FIGN: variants seen among roughly 807,000 people sequenced by gnomAD.
The protein encoded by FIGN is fidgetin.
A neutral mutation model predicts 51.3 loss-of-function variants in FIGN; 11 were observed. The observed-to-expected ratio is 0.21, with a 90% CI of 0.13 to 0.35. The LOEUF is 0.35. Ranked by LOEUF, FIGN falls within the 10% of genes least tolerant of loss-of-function variation. The pLI, the probability that FIGN is intolerant of heterozygous loss-of-function variation, is 1.00. For missense variants in FIGN, 857 were observed against 943.6 expected (o/e 0.91, Z 1.20); for synonymous variants, 407 against 363.2 (o/e 1.12, Z -1.37).
intron 2 of FIGN, among the ~76,000 whole-genome samples, chr2:163,667,772 CTGCGTTCTTCACACTG>C (rs1450995764): frequency 1.1e-4 from 16 of 152,190 alleles, no homozygotes; most frequent in Non-Finnish European, 1.9e-4. Flanking sequence ...GGTTCCACTG[CTGCGTTCTTCACACTG>C]TGCTGTAACT....
chr2:163,691,208 G>A (rs1397232049), intron 2 of FIGN, among the ~76,000 whole-genome samples: 1 of 152,116 alleles, frequency 6.6e-6, no homozygotes, highest in Non-Finnish European at 1.5e-5. Context: ...CAAACTGACA[G>A]CCTATGTACA....
intron 2 of FIGN, among the ~76,000 whole-genome samples, chr2:163,661,095 G>A (rs1683672136): frequency 6.7e-6 from 1 of 148,536 alleles, no homozygotes; most frequent in African/African-American, 2.5e-5. Context: ...TGTTGGCCAA[G>A]CTGGTCTTGA....
At chr2:163,734,031 T>G (rs1684973228) in intron 2 of FIGN, among the ~76,000 whole-genome samples, 1 of 151,396 alleles carries the variant, frequency 6.6e-6, no homozygotes, top group African/African-American at 2.4e-5. Context: ...TGTTGTTCCC[T>G]CTGTCTTAAT....
Position 163,609,561 on chromosome 2 carries a change from GC to G in FIGN, c.2270del (p.Cys757SerfsTer25). 6.2e-7 allele frequency: 1 copy of G among 1,604,886 alleles called. No homozygotes were observed. Reference protein sequence around the residue: ...MYVEWNKMFGCSQ With the variant: ...MYVEWNKMFGXSQ ...TTTTCTAAAGAAGTTATCACTGACT[GC>G]AACCAAACATTTTGTTCCATTCAAC... On this transcript the variant is annotated frameshift_variant, in exon 3 of 3. Transcript: ENST00000333129. LOFTEE classifies it high-confidence loss of function.
intron 2 of FIGN, among the ~76,000 whole-genome samples, chr2:163,707,169 A>G (rs1482558572): frequency 6.6e-6 from 1 of 152,120 alleles, no homozygotes; most frequent in East Asian, 1.9e-4. Context: ...CAACATGGTG[A>G]AACCCCGTCT....
rs1685005943 is a variant in FIGN at position 163,735,821 on chromosome 2, T to C, written c.-146+17A>G. The C allele has an allele frequency of 6.5e-6, 1 of 152,690 alleles. No homozygotes were observed. The highest frequency in any genetic ancestry group is 2.4e-5 in the African/African-American group (1 of 41,456). The allele number at this position is 152,690 out of a possible 1,614,324, so 9.5% of individuals were successfully genotyped here. On this transcript the variant is annotated intron_variant, in intron 1 of 2. Transcript: ENST00000333129. Reference sequence around the variant, plus strand: ...CAAATTTAAACAGATGGTAGAAAACTACGAAGCTCCTCTTACCTGAACGCG... The same window carrying C: ...CAAATTTAAACAGATGGTAGAAAACCACGAAGCTCCTCTTACCTGAACGCG...
intron 2 of FIGN, 43 bp downstream of exon 2, chr2:163,734,860 T>C (rs773869650): frequency 2.5e-6 from 4 of 1,581,626 alleles, no homozygotes; most frequent in Non-Finnish European, 3.5e-6. Context: ...CATTTGTCTT[T>C]CCTATTTAGA....
rs186183930 is a variant in FIGN at position 163,609,975 on chromosome 2, C to G, written c.1857G>C (p.Ser619=). 3 of 1,613,986 alleles carry G rather than the reference C, an allele frequency of 1.9e-6. No homozygotes were observed. The highest frequency in any genetic ancestry group is 2.2e-5 in the South Asian group (2 of 91,080). ...FLMQLDTVLT[S]AEDQIVVICA... is the part of the protein sequence containing the mutation. Reference sequence around the variant, plus strand: ...AAATTACTACGATTTGGTCCTCAGCCGAAGTTAGTACAGTGTCCAGTTGCA... The same window carrying G: ...AAATTACTACGATTTGGTCCTCAGCGGAAGTTAGTACAGTGTCCAGTTGCA... Residue 619 remains serine (S), a synonymous_variant, in exon 3 of 3, where the codon TCG becomes TCC. Transcript: ENST00000333129.
chr2:163,649,297 C>T (rs1198417009), intron 2 of FIGN, among the ~76,000 whole-genome samples: 1 of 152,212 alleles, frequency 6.6e-6, no homozygotes, highest in Non-Finnish European at 1.5e-5. Flanking sequence ...CACAGTGTGT[C>T]TGAGTCAGAC....
intron 2 of FIGN, among the ~76,000 whole-genome samples, chr2:163,642,580 C>T (rs1346761850): frequency 5.3e-5 from 8 of 152,112 alleles, no homozygotes; most frequent in Non-Finnish European, 1.2e-4. Flanking sequence ...ACACTGTGGA[C>T]TCTCAGAGGA....
At chr2:163,661,800 T>A (rs753658868) in intron 2 of FIGN, among the ~76,000 whole-genome samples, 10 of 152,186 alleles carry the variant, frequency 6.6e-5, no homozygotes, top group Non-Finnish European at 1.5e-4. Flanking sequence ...CTTCCTCATT[T>A]TTCTCTTGCT....
chr2:163,730,251 G>A lies in FIGN; in HGVS notation c.25+4652C>T, dbSNP rs1684904620. On this transcript the variant is annotated intron_variant, in intron 2 of 2. Coordinates refer to ENST00000333129, the MANE Select transcript of FIGN (RefSeq NM_018086.4). The stretch of plus-strand genomic sequence containing the variant: ...TCTGAAAGAAAATTGCCATTTAAAT[G>A]ATAACATCAAAAATATCAAAAAGAT... Among the ~76,000 whole-genome samples, 5 of 152,038 alleles carry A rather than the reference G, an allele frequency of 3.3e-5. No individual in the cohort carries two copies. In the South Asian group the frequency reaches 1.0e-3, roughly 32 times the overall value.
intron 2 of FIGN, among the ~76,000 whole-genome samples, chr2:163,674,668 A>G (rs1189481422): frequency 1.3e-5 from 2 of 152,216 alleles, no homozygotes; most frequent in Non-Finnish European, 2.9e-5. Context: ...TTAATTTTTT[A>G]TATAAGCAAA....
intron 2 of FIGN, among the ~76,000 whole-genome samples, chr2:163,626,915 C>T (rs185365550): frequency 6.6e-6 from 1 of 152,176 alleles, no homozygotes; most frequent in Non-Finnish European, 1.5e-5. Context: ...AGAGACACTC[C>T]CACCAGTGCC....
chr2:163,645,142 T>A (rs937174776), intron 2 of FIGN, among the ~76,000 whole-genome samples: 4 of 152,156 alleles, frequency 2.6e-5, no homozygotes, highest in African/African-American at 9.7e-5. Context: ...GATGAATAAA[T>A]AAATCTGAAT....
At chr2:163,685,412 A>T (rs1445414179) in intron 2 of FIGN, among the ~76,000 whole-genome samples, 1 of 152,178 alleles carries the variant, frequency 6.6e-6, no homozygotes, top group Non-Finnish European at 1.5e-5. Flanking sequence ...GAAGTTTTTC[A>T]GATCAATCAC....
chr2:163,670,190 A>C lies in FIGN; in HGVS notation c.26-58384T>G, dbSNP rs147421817. Among the ~76,000 whole-genome samples the C allele has an allele frequency of 1.4e-3, 214 of 152,306 alleles. 1 individual carries two copies. The highest frequency in any genetic ancestry group is 4.7e-3 in the African/African-American group (195 of 41,572). On this transcript the variant is annotated intron_variant, in intron 2 of 2. Coordinates refer to ENST00000333129, the MANE Select transcript of FIGN (RefSeq NM_018086.4). ...ATAAATGTGATCCTTTTTAAATTTT[A>C]GCTGCCACAAAGCATTATGTCAAAT...
chr2:163,724,404 T>C (rs995694967), intron 2 of FIGN, among the ~76,000 whole-genome samples: 7 of 152,212 alleles, frequency 4.6e-5, no homozygotes, highest in African/African-American at 1.7e-4. Context: ...GTAAAAATTT[T>C]AAGATCTCTT....
intron 2 of FIGN, among the ~76,000 whole-genome samples, chr2:163,678,215 CT>C (rs758971826): frequency 6.6e-6 from 1 of 151,244 alleles, no homozygotes; most frequent in Admixed American, 6.6e-5. Flanking sequence ...GTTGACATGT[CT>C]TTTTTTTTCT....
Sources: allele counts gnomAD v4.1 joint callset (sites outside exome capture counted in the v4.1 genomes callset), GRCh38; gene constraint gnomAD v4.1.1; transcripts MANE v1.5; gene names NCBI Gene and HGNC (gene_info 2026-07-23, HGNC 2026-07-21).